TENT4A: variants seen among roughly 807,000 people sequenced by gnomAD.
TENT4A encodes the protein DNA polymerase kappa.
In TENT4A, 7 loss-of-function variants were observed where a neutral mutation model predicts 72.8. That is an observed-to-expected ratio of 0.10 (90% confidence interval 0.05 to 0.18). The LOEUF is 0.18. Among genes scored for constraint, TENT4A ranks in the 10% least tolerant of loss-of-function variants. TENT4A has a pLI of 1.00. For synonymous variants in TENT4A, 456 were observed against 434.3 expected (o/e 1.05, Z -0.62); for missense variants, 831 against 1,017.7 (o/e 0.82, Z 2.50).
chr5:6,755,265 T>G lies in TENT4A; in HGVS notation c.*320T>G. The G allele has an allele frequency of 4.2e-6, 1 of 239,926 alleles. No homozygotes were observed. The highest frequency in any genetic ancestry group is 8.0e-6 in the Non-Finnish European group (1 of 124,838). 14.9% of individuals were successfully genotyped at this position (239,926 alleles called of 1,614,324 possible). ...TTGCGGTTTGAGGTAGCCGTGTCTG[T>G]TCCTTCGCGGTTTGCTATTTTCATT... On this transcript the variant is annotated 3_prime_UTR_variant, in exon 13 of 13. Coordinates refer to ENST00000230859, the MANE Select transcript of TENT4A (RefSeq NM_006999.6).
chr5:6,724,213 C>T (rs1253006133), intron 1 of TENT4A, among the ~76,000 whole-genome samples: 1 of 152,202 alleles, frequency 6.6e-6, no homozygotes, highest in Non-Finnish European at 1.5e-5. Flanking sequence ...TCCCACCTCC[C>T]CCACAGAGAG....
intron 1 of TENT4A, among the ~76,000 whole-genome samples, chr5:6,727,036 T>C (rs1740965334): frequency 1.3e-5 from 2 of 152,078 alleles, no homozygotes; most frequent in East Asian, 1.9e-4. Flanking sequence ...ACCACCCTAG[T>C]GCAGTTGCTT....
chr5:6,714,309 C>G lies in TENT4A; in HGVS notation c.326C>G (p.Ser109Trp). 1 of 1,107,142 alleles carries G rather than the reference C, an allele frequency of 9.0e-7. No individual in the cohort carries two copies. Among genetic ancestry groups the G allele is most frequent in the Non-Finnish European group, 1.1e-6 (1 of 909,234 alleles). 68.6% of individuals were successfully genotyped at this position (1,107,142 alleles called of 1,614,324 possible). A position where few individuals can be genotyped will look rare whatever the true frequency, so the allele number is the denominator to read the frequency against. The change falls in exon 1 of 13, where the codon TCG (serine) becomes TGG (tryptophan). Residue 109 changes from serine (S) to tryptophan (W), a missense_variant. Around this residue, in one of 3 missense-constraint regions of TENT4A, gnomAD observed 302 missense variants for 293.8 expected, o/e 1.03. Coordinates refer to ENST00000230859, the MANE Select transcript of TENT4A (RefSeq NM_006999.6). ...CGCTTGCACAAGTCGCCGTCGCTGT[C>G]GTCCTCGTCGTCGTCCTCCTCGTCC... is the stretch of plus-strand genomic sequence containing the variant. ...ARRLHKSPSL[S>W]SSSSSSSSNA...
intron 6 of TENT4A, among the ~76,000 whole-genome samples, chr5:6,744,147 A>G (rs1337378566): frequency 6.6e-6 from 1 of 152,244 alleles, no homozygotes; most frequent in Non-Finnish European, 1.5e-5. Context: ...GGTAAACAAT[A>G]AACATTTCTT....
At chr5:6,733,253 C>T (rs1024094646) in intron 1 of TENT4A, among the ~76,000 whole-genome samples, 1 of 152,248 alleles carries the variant, frequency 6.6e-6, no homozygotes, top group African/African-American at 2.4e-5. Context: ...CTTCCCAGGT[C>T]TCACTGGCCG....
At chr5:6,751,817 TGTG>T (rs1181403608) in intron 11 of TENT4A, among the ~76,000 whole-genome samples, 1 of 152,130 alleles carries the variant, frequency 6.6e-6, no homozygotes, top group African/African-American at 2.4e-5. Flanking sequence ...TTTTCTGAAA[TGTG>T]GGGTATAATT....
At chr5:6,727,576 G>A (rs1215414079) in intron 1 of TENT4A, among the ~76,000 whole-genome samples, 1 of 152,184 alleles carries the variant, frequency 6.6e-6, no homozygotes, top group African/African-American at 2.4e-5. Flanking sequence ...CTGTCCTGCT[G>A]TCCATTGTGC....
At chr5:6,752,794 G>T in intron 11 of TENT4A, 79 bp from the exon 12 acceptor site, 2 of 1,280,472 alleles carry the variant, frequency 1.6e-6, no homozygotes, top group Non-Finnish European at 2.2e-6. Context: ...GCTGCCCTTT[G>T]GTGGTGCTGA....
intron 1 of TENT4A, among the ~76,000 whole-genome samples, chr5:6,726,922 G>A (rs1740956757): frequency 6.6e-6 from 1 of 152,116 alleles, no homozygotes; most frequent in African/African-American, 2.4e-5. Context: ...TTTGTTACCG[G>A]TCCCATCTTC....
intron 4 of TENT4A, among the ~76,000 whole-genome samples, chr5:6,740,248 A>G (rs530023445): frequency 2.6e-5 from 4 of 152,270 alleles, no homozygotes; most frequent in African/African-American, 7.2e-5. Flanking sequence ...ACCATTTGCT[A>G]TGTTATGTTA....
intron 1 of TENT4A, among the ~76,000 whole-genome samples, chr5:6,721,469 CTCTTTGTT>C (rs764711055): frequency 6.2e-4 from 94 of 152,296 alleles, no homozygotes; most frequent in Admixed American, 1.8e-3. Context: ...GTTTTAACTG[CTCTTTGTT>C]TCTTATTATA....
intron 7 of TENT4A, among the ~76,000 whole-genome samples, chr5:6,748,038 A>G (rs887129188): frequency 6.6e-6 from 1 of 152,232 alleles, no homozygotes; most frequent in Non-Finnish European, 1.5e-5. Flanking sequence ...CTGTTGGGGC[A>G]CTGTGAGGCC....
At chr5:6,754,569 C>T (rs1051539617) in intron 12 of TENT4A, among the ~76,000 whole-genome samples, 182 bp from the exon 13 acceptor site, 37 of 152,178 alleles carry the variant, frequency 2.4e-4, no homozygotes, top group Non-Finnish European at 4.1e-4. Context: ...TGCCTTTAGT[C>T]ATTCACGGAA....
intron 1 of TENT4A, among the ~76,000 whole-genome samples, chr5:6,718,437 G>A (rs1321213493): frequency 6.6e-6 from 1 of 152,196 alleles, no homozygotes; most frequent in Non-Finnish European, 1.5e-5. Flanking sequence ...CACTCTAGGG[G>A]CCTTTCCCTC....
At position 6,746,385 on chromosome 5, in the gene TENT4A, T is replaced by A; in HGVS notation, c.1417T>A (p.Tyr473Asn). Residue 473 changes from tyrosine (Y) to asparagine (N), a missense_variant, in exon 7 of 13, where the codon TAC becomes AAC. Physicochemically the swap from Tyr to Asn is moderately radical, Grantham distance 143. Around this residue, in one of 3 missense-constraint regions of TENT4A, gnomAD observed 197 missense variants for 399.6 expected, o/e 0.49. Transcript: ENST00000230859. ...EEIMKAMTSG[Y>N]RPSMLCIEDP... ...GATCATGAAAGCCATGACCAGCGGG[T>A]ACAGACCGTCGATGCTGTGCATTGA... 6.2e-7 allele frequency: 1 copy of A among 1,614,132 alleles called. No individual in the cohort carries two copies. The highest frequency in any genetic ancestry group is 8.5e-7 in the Non-Finnish European group (1 of 1,180,028).
intron 2 of TENT4A, among the ~76,000 whole-genome samples, chr5:6,738,421 C>G (rs28363349): frequency 0.019 from 2,853 of 152,286 alleles, 36 homozygotes; most frequent in South Asian, 0.049. Context: ...CTGAAAAGTC[C>G]TCAGCTTTGA....
intron 1 of TENT4A, among the ~76,000 whole-genome samples, chr5:6,734,794 A>G (rs1167323591): frequency 6.6e-6 from 1 of 152,214 alleles, no homozygotes; most frequent in Middle Eastern, 3.2e-3. Flanking sequence ...ATGCCTCGCC[A>G]TTAATCTCTC....
intron 1 of TENT4A, among the ~76,000 whole-genome samples, chr5:6,716,141 C>T (rs1374846633): frequency 6.6e-6 from 1 of 152,164 alleles, no homozygotes; most frequent in Non-Finnish European, 1.5e-5. Context: ...GTCCCATGCA[C>T]CTCACTTGGG....
intron 1 of TENT4A, among the ~76,000 whole-genome samples, chr5:6,716,719 G>A (rs1419030970): frequency 6.6e-6 from 1 of 152,146 alleles, no homozygotes; most frequent in East Asian, 1.9e-4. Context: ...CCTGGCTCCT[G>A]GCCCCACCCC....
Sources: gnomAD v4.1 joint callset for allele counts (sites outside exome capture counted in the v4.1 genomes callset) on GRCh38, gnomAD v4.1.1 for gene constraint, gnomAD v4.1.1 regional missense constraint, MANE v1.5 for transcripts, NCBI Gene and HGNC (gene_info 2026-07-23, HGNC 2026-07-21) for gene names.